NDUFA9: variants seen among roughly 807,000 people sequenced by gnomAD.
NDUFA9 encodes NADH dehydrogenase [ubiquinone] 1 alpha subcomplex subunit 9, mitochondrial.
A neutral mutation model predicts 45.9 loss-of-function variants in NDUFA9; 23 were observed. The ratio of observed to expected loss-of-function variants is 0.50; its 90% CI spans 0.36 to 0.71. The LOEUF (loss-of-function observed/expected upper bound fraction) is 0.71. Ranked by LOEUF, NDUFA9 falls within the 30% of genes least tolerant of loss-of-function variation. The pLI is 0.00. For missense variants in NDUFA9, 466 were observed against 488.2 expected, an observed-to-expected ratio of 0.95 and a Z score of 0.43; for synonymous variants, 176 against 170.5, an observed-to-expected ratio of 1.03 and a Z score of -0.25.
At chr12:4,676,847 A>G (rs959828951) in intron 8 of NDUFA9, among the ~76,000 whole-genome samples, 13 of 152,198 alleles carry the variant, frequency 8.5e-5, no homozygotes, top group African/African-American at 2.7e-4. Flanking sequence ...AGCCAAGACA[A>G]TCCTAAGCAA....
chr12:4,649,179 A>G lies in NDUFA9; in HGVS notation c.49+4A>G. 1.2e-6 allele frequency: 2 copies of G among 1,603,444 alleles called. No homozygotes were observed. The highest frequency in any genetic ancestry group is 1.7e-6 in the Non-Finnish European group (2 of 1,175,054). ...GTCCGGGTCCTGTCAATGTCACGTA[A>G]GTGTTACCGGGAACGGCGGCCCCTG... is the stretch of plus-strand genomic sequence containing the variant. On this transcript the variant is annotated splice_donor_region_variant and intron_variant, in intron 1 of 10. Transcript: ENST00000266544.
rs184878396 is a variant in NDUFA9, at chr12:4,664,619, C to T, written c.655+1984C>T. Among the ~76,000 whole-genome samples the T allele has an allele frequency of 4.1e-3, 626 of 152,260 alleles. 7 individuals are homozygous for T. The highest frequency in any genetic ancestry group is 0.014 in the African/African-American group (601 of 41,540). On this transcript the variant is annotated intron_variant, in intron 6 of 10. Coordinates refer to ENST00000266544, the MANE Select transcript of NDUFA9 (RefSeq NM_005002.5). ...TGCCTGATCCTTGGGGCTACAGCCC[C>T]CTGGAACCTTTGAGGTGTTGACCCT... is the stretch of plus-strand genomic sequence containing the variant.
At chr12:4,667,280 T>C (rs1418446799) in intron 6 of NDUFA9, among the ~76,000 whole-genome samples, 1 of 152,182 alleles carries the variant, frequency 6.6e-6, no homozygotes, top group Non-Finnish European at 1.5e-5. Context: ...TCTTAGTTCC[T>C]ATCACATTGG....
At chr12:4,661,585 C>T (rs920696713) in intron 5 of NDUFA9, among the ~76,000 whole-genome samples, 1 of 151,466 alleles carries the variant, frequency 6.6e-6, no homozygotes, top group Non-Finnish European at 1.5e-5. Flanking sequence ...GACAAAGGGA[C>T]AAGGTAGTTT....
intron 1 of NDUFA9, chr12:4,653,698 C>A: frequency 2.6e-6 from 1 of 390,498 alleles, no homozygotes; most frequent in South Asian, 1.9e-5. Context: ...AACTATTGAA[C>A]TGCATTCTTT....
At chr12:4,667,809 C>G (rs1945862193) in intron 6 of NDUFA9, among the ~76,000 whole-genome samples, 1 of 150,368 alleles carries the variant, frequency 6.7e-6, no homozygotes, top group East Asian at 1.9e-4. Flanking sequence ...TGTGCCCGGC[C>G]TAATTTCTAC....
rs777371450 is a variant in NDUFA9 at position 4,669,797 on chromosome 12, G to C, written c.780G>C (p.Gly260=). ...VNAVKDPDAN[G]KSFAFVGPSR... is the part of the protein sequence containing the mutation. ...CAGTTAAGGATCCTGATGCCAATGG[G>C]AAATCCTTTGCTTTCGTTGGGTAAG... Residue 260 remains glycine (G), a synonymous_variant, in exon 8 of 11, where the codon GGG becomes GGC. Coordinates refer to ENST00000266544, the MANE Select transcript of NDUFA9 (RefSeq NM_005002.5). 3.7e-6 allele frequency: 6 copies of C among 1,612,612 alleles called. No homozygotes were observed. Among genetic ancestry groups the C allele is most frequent in the Non-Finnish European group, 5.1e-6 (6 of 1,178,776 alleles).
intron 1 of NDUFA9, among the ~76,000 whole-genome samples, chr12:4,650,605 A>G (rs1448877732): frequency 6.6e-6 from 1 of 152,208 alleles, no homozygotes; most frequent in Non-Finnish European, 1.5e-5. Flanking sequence ...TAATCCACAC[A>G]CTATAGGACA....
At chr12:4,680,045 T>C (rs753587925) in intron 8 of NDUFA9, among the ~76,000 whole-genome samples, 21 of 152,198 alleles carry the variant, frequency 1.4e-4, no homozygotes, top group Non-Finnish European at 3.1e-4. Context: ...TAGGTTTGGC[T>C]GTGGGAATGT....
intron 1 of NDUFA9, 87 bp downstream of exon 1, chr12:4,649,262 C>T: frequency 6.9e-7 from 1 of 1,454,046 alleles, no homozygotes; most frequent in South Asian, 1.2e-5. Context: ...CTGCAGCGGT[C>T]ACGCCAACTT....
At position 4,654,385 on chromosome 12, in the gene NDUFA9, G is replaced by A. The variant is rs375524647; in HGVS notation, c.143G>A (p.Arg48His). The A allele has an allele frequency of 2.6e-5, 42 of 1,614,012 alleles. No homozygotes were observed. Among genetic ancestry groups the A allele is most frequent in the African/African-American group, 1.1e-4 (8 of 74,912 alleles). ...CTCATGCCTCATGGGAAAGGTGGAC[G>A]TTCCTCAGTCAGTGGGATTGTGGCC... Reference protein sequence around the residue: ...HALMPHGKGGRSSVSGIVATV... With the variant: ...HALMPHGKGGHSSVSGIVATV... Residue 48 changes from arginine to histidine, a missense_variant, in exon 2 of 11, where the codon CGT (arginine) becomes CAT (histidine). By Grantham distance (29) the Arg-to-His change is conservative (BLOSUM62 0). Transcript: ENST00000266544.
At position 4,662,627 on chromosome 12, in the gene NDUFA9, C is replaced by A. The variant is rs990215436; in HGVS notation, c.647C>A (p.Ser216Tyr). 3.1e-6 allele frequency: 5 copies of A among 1,612,362 alleles called. No individual in the cohort carries two copies. The highest frequency in any genetic ancestry group is 2.7e-5 in the African/African-American group (2 of 74,878). Residue 216 changes from serine to tyrosine, a missense_variant, in exon 6 of 11, where the codon TCT becomes TAT. Transcript: ENST00000266544. Reference sequence around the variant, plus strand: ...GGAAGAGAGGATAGATTCCTTAATTCTTTTGCAAGTACGTATTCTTTCTTA... The same window carrying A: ...GGAAGAGAGGATAGATTCCTTAATTATTTTGCAAGTACGTATTCTTTCTTA... ...IFGREDRFLN[S>Y]FASMHRFGPI...
Position 4,658,310 on chromosome 12 carries a change from CT to C in NDUFA9, c.410+474del, listed in dbSNP as rs1187781083. Among the ~76,000 whole-genome samples, 8 of 152,158 alleles carry C rather than the reference CT, an allele frequency of 5.3e-5. No homozygotes were observed. The South Asian group carries it at 1.4e-3, about 28-fold the overall frequency. Reference sequence around the variant, plus strand: ...TGTTTCAATCCTATAGTCCACAACACTTTGTTTACACCTCTTTTTATAGTGT... The same window carrying C: ...TGTTTCAATCCTATAGTCCACAACACTTGTTTACACCTCTTTTTATAGTGT... On this transcript the variant is annotated intron_variant, in intron 4 of 10. Transcript: ENST00000266544.
intron 7 of NDUFA9, among the ~76,000 whole-genome samples, chr12:4,669,190 C>T (rs1189340345): frequency 1.3e-5 from 2 of 152,198 alleles, no homozygotes; most frequent in Non-Finnish European, 1.5e-5. Context: ...AGCCACTAGA[C>T]GCCAGTCACA....
intron 8 of NDUFA9, among the ~76,000 whole-genome samples, chr12:4,681,922 C>T (rs11063295): frequency 2.1e-3 from 325 of 151,842 alleles, no homozygotes; most frequent in African/African-American, 7.5e-3. Flanking sequence ...TGTGGAAAGA[C>T]GATTATGATG....
At chr12:4,654,487 A>T in intron 2 of NDUFA9, 25 bp downstream of exon 2, 2 of 1,611,632 alleles carry the variant, frequency 1.2e-6, no homozygotes, top group Non-Finnish European at 1.7e-6. Context: ...TTAAGTTCAT[A>T]TGCTCCATTG....
Position 4,687,106 on chromosome 12 carries a change from T to A in NDUFA9, c.1132T>A (p.Ter378LysextTer27), listed in dbSNP as rs765316247. ...GAAGCCGGCCAAGACCGTCAACATT[T>A]AGTGCCTCCTGAGCAGCTCTTGGTT... The part of the protein sequence containing the change: ...DVKPAKTVNI[*>K] The change falls in exon 11 of 11, where the codon TAG becomes AAG. Residue 378 changes from the stop codon to lysine (K), a stop_lost. Coordinates refer to ENST00000266544, the MANE Select transcript of NDUFA9 (RefSeq NM_005002.5). 6.2e-7 allele frequency: 1 copy of A among 1,614,130 alleles called. No individual in the cohort carries two copies. Among genetic ancestry groups the A allele is most frequent in the Admixed American group, 1.7e-5 (1 of 60,016 alleles).
intron 3 of NDUFA9, among the ~76,000 whole-genome samples, chr12:4,656,540 T>C (rs558758712): frequency 6.6e-6 from 1 of 152,350 alleles, no homozygotes; most frequent in Non-Finnish European, 1.5e-5. Flanking sequence ...TGTTTATGTG[T>C]TTATTTTCGA....
Position 4,682,191 on chromosome 12 carries a change from T to C in NDUFA9, c.801-14T>C. The C allele has an allele frequency of 1.3e-6, 2 of 1,576,010 alleles. No individual in the cohort carries two copies. Among genetic ancestry groups the C allele is most frequent in the Non-Finnish European group, 1.7e-6 (2 of 1,150,620 alleles). ...AGCGTGTAATTGAAAGAACTGTGTA[T>C]TGTCTTTTTATAGTCCCAGTCGGTA... On this transcript the variant is annotated splice_polypyrimidine_tract_variant and intron_variant, in intron 8 of 10. Coordinates refer to ENST00000266544, the MANE Select transcript of NDUFA9 (RefSeq NM_005002.5).
Sources: allele counts gnomAD v4.1 joint callset (sites outside exome capture counted in the v4.1 genomes callset), GRCh38; gene constraint gnomAD v4.1.1; transcripts MANE v1.5; gene names NCBI Gene and HGNC (gene_info 2026-07-23, HGNC 2026-07-21).